GOLIM4: variants seen among roughly 807,000 people sequenced by gnomAD.
GOLIM4 encodes golgi integral membrane protein 4.
Under a neutral mutation model 107.4 loss-of-function variants are expected in GOLIM4, and 71 were observed. That is an observed-to-expected ratio of 0.66 (90% CI 0.55 to 0.81). The LOEUF (loss-of-function observed/expected upper bound fraction) is 0.81, where lower values mean the gene tolerates loss of function less well. GOLIM4 is among the 30% of genes least tolerant of loss of function. The pLI is 0.00. For missense variants in GOLIM4, 830 were observed against 826.1 expected (o/e 1.00, Z -0.06); for synonymous variants, 327 against 294.8 (o/e 1.11, Z -1.12).
intron 1 of GOLIM4, among the ~76,000 whole-genome samples, chr3:168,068,571 GT>G (rs35860368): frequency 1.7e-4 from 26 of 150,684 alleles, no homozygotes; most frequent in African/African-American, 6.1e-4. Context: ...CTTAAGGATA[GT>G]TTTTTTTTAA....
chr3:168,059,307 G>A (rs1338867694), intron 1 of GOLIM4, among the ~76,000 whole-genome samples: 1 of 152,192 alleles, frequency 6.6e-6, no homozygotes, highest in East Asian at 1.9e-4. Flanking sequence ...AGGTTGGAAT[G>A]CACCTAACTA....
intron 1 of GOLIM4, among the ~76,000 whole-genome samples, chr3:168,065,501 T>C (rs1720503036): frequency 6.6e-6 from 1 of 152,258 alleles, no homozygotes; most frequent in African/African-American, 2.4e-5. Context: ...TTTCTGTATG[T>C]ATGACTGTGT....
intron 14 of GOLIM4, among the ~76,000 whole-genome samples, chr3:168,023,939 AAAT>A (rs1372570860): frequency 1.3e-5 from 2 of 152,226 alleles, no homozygotes; most frequent in Non-Finnish European, 2.9e-5. Context: ...AAGCAAACTA[AAAT>A]ATTAAGAAAC....
At chr3:168,027,888 TC>T (rs1355725030) in intron 11 of GOLIM4, 51 bp from the exon 12 acceptor site, 1 of 1,208,762 alleles carries the variant, frequency 8.3e-7, no homozygotes, top group Non-Finnish European at 1.2e-6. Context: ...AAACAGGATT[TC>T]CCTTTCAACT....
intron 14 of GOLIM4, among the ~76,000 whole-genome samples, chr3:168,014,581 A>G (rs1203247858): frequency 3.1e-5 from 4 of 130,502 alleles, no homozygotes; most frequent in Non-Finnish European, 5.9e-5. Flanking sequence ...GCAGAGACAC[A>G]ACAAAAAAAA....
At chr3:168,041,572 G>A (rs997073269) in intron 5 of GOLIM4, 98 bp from the exon 6 acceptor site, 4 of 617,930 alleles carry the variant, frequency 6.5e-6, no homozygotes, top group Non-Finnish European at 1.1e-5. Flanking sequence ...ACTTATTTTA[G>A]AATTTATTTT....
intron 14 of GOLIM4, among the ~76,000 whole-genome samples, chr3:168,012,197 A>G (rs1299482898): frequency 7.6e-6 from 1 of 131,368 alleles, no homozygotes. Flanking sequence ...TGCTTAAAGG[A>G]GCTGATGGAG....
intron 14 of GOLIM4, among the ~76,000 whole-genome samples, chr3:168,024,202 A>AC (rs1717868268): frequency 6.6e-6 from 1 of 152,188 alleles, no homozygotes; most frequent in Non-Finnish European, 1.5e-5. Context: ...CTCAATGTGC[A>AC]GAGGGAGAGA....
chr3:168,050,860 T>TAAAAAA (rs1553800148), intron 1 of GOLIM4, among the ~76,000 whole-genome samples: 2 of 128,806 alleles, frequency 1.6e-5, no homozygotes, highest in African/African-American at 5.6e-5. Flanking sequence ...ATAATAATAA[T>TAAAAAA]AATAATAATA....
intron 1 of GOLIM4, among the ~76,000 whole-genome samples, chr3:168,081,558 C>G (rs1354939717): frequency 6.6e-6 from 1 of 152,142 alleles, no homozygotes; most frequent in African/African-American, 2.4e-5. Context: ...GATAAGGAAG[C>G]CTTGGAAACA....
Position 168,095,623 on chromosome 3 carries a change from A to C in GOLIM4, c.-338T>G, listed in dbSNP as rs1722155098. The C allele has an allele frequency of 8.1e-6, 2 of 248,260 alleles. No individual in the cohort carries two copies. Among genetic ancestry groups the C allele is most frequent in the Admixed American group, 5.9e-5 (1 of 17,006 alleles). 15.4% of individuals were successfully genotyped at this position (248,260 alleles called of 1,614,324 possible). ...CCTCCTGCCTTTTTTCCTTCTTCCC[A>C]CTTTTTGGCCCCGCTGCCCCCGGGC... On this transcript the variant is annotated 5_prime_UTR_variant, in exon 1 of 16. Transcript: ENST00000470487.
intron 14 of GOLIM4, among the ~76,000 whole-genome samples, chr3:168,017,373 C>T (rs1717432294): frequency 1.3e-5 from 2 of 152,124 alleles, no homozygotes; most frequent in Non-Finnish European, 2.9e-5. Flanking sequence ...CGCCTGTAGT[C>T]TCAGCTACTC....
At chr3:168,022,162 G>T (rs1717731499) in intron 14 of GOLIM4, among the ~76,000 whole-genome samples, 1 of 151,992 alleles carries the variant, frequency 6.6e-6, no homozygotes, top group South Asian at 2.1e-4. Context: ...AGTTTGATGG[G>T]CTATACCTCT....
chr3:168,031,179 T>A (rs988106072), intron 9 of GOLIM4, among the ~76,000 whole-genome samples: 1 of 152,130 alleles, frequency 6.6e-6, no homozygotes, highest in Admixed American at 6.5e-5. Context: ...TGGTGGTTAC[T>A]AGAAGCTGGG....
Position 168,074,048 on chromosome 3 carries a change from A to C in GOLIM4, c.187+21051T>G, listed in dbSNP as rs145433640. Among the ~76,000 whole-genome samples the C allele has an allele frequency of 1.3e-3, 191 of 152,324 alleles. 1 individual carries two copies. The East Asian group carries it at 0.013, about 11-fold the overall frequency. Reference sequence around the variant, plus strand: ...GGGCTCCTCCTGTCTGGGATTCCTCATTCTGTGGGAAGCCAGCTGCCATGT... The same window carrying C: ...GGGCTCCTCCTGTCTGGGATTCCTCCTTCTGTGGGAAGCCAGCTGCCATGT... On this transcript the variant is annotated intron_variant, in intron 1 of 15. Coordinates refer to ENST00000470487, the MANE Select transcript of GOLIM4 (RefSeq NM_014498.5).
chr3:168,016,949 G>A (rs1341120753), intron 14 of GOLIM4, among the ~76,000 whole-genome samples: 1 of 142,810 alleles, frequency 7.0e-6, no homozygotes, highest in Non-Finnish European at 1.5e-5. Context: ...GCTAGATGAC[G>A]AGTTAGTGGG....
intron 14 of GOLIM4, among the ~76,000 whole-genome samples, chr3:168,021,435 G>A (rs188959371): frequency 1.3e-5 from 2 of 152,260 alleles, no homozygotes; most frequent in Admixed American, 6.5e-5. Context: ...GGAGGCAGAG[G>A]TGGGAGGATC....
rs78122492 is a variant in GOLIM4, at chr3:168,074,616, A to G, written c.187+20483T>C. ...GATGGGAAGTAACATTACTTAATTT[A>G]TATGTTACAAAGAATCATCTTTGTA... On this transcript the variant is annotated intron_variant, in intron 1 of 15. Transcript: ENST00000470487. Among the ~76,000 whole-genome samples the G allele has an allele frequency of 2.5e-3, 386 of 152,312 alleles. 4 individuals carry two copies. The highest frequency in any genetic ancestry group is 8.9e-3 in the African/African-American group (368 of 41,564).
rs773128932 is a variant in GOLIM4, at chr3:168,010,808, T to C, written c.1876A>G (p.Thr626Ala). The C allele has an allele frequency of 6.2e-7, 1 of 1,610,584 alleles. No homozygotes were observed. Among genetic ancestry groups the C allele is most frequent in the Admixed American group, 1.7e-5 (1 of 60,010 alleles). ...EAEEEVQEDL[T>A]EEKKRELEHN... ...TCCAGTTCCCTTTTTTTCTCTTCAG[T>C]CAAATCTTCCTGAACCTAAAACAAA... Residue 626 changes from threonine to alanine, a missense_variant, in exon 15 of 16, where the codon ACT becomes GCT. Physicochemically the swap from Thr to Ala is moderately conservative, Grantham distance 58. Coordinates refer to ENST00000470487, the MANE Select transcript of GOLIM4 (RefSeq NM_014498.5).
Sources: gnomAD v4.1 joint callset for allele counts (sites outside exome capture counted in the v4.1 genomes callset) on GRCh38, gnomAD v4.1.1 for gene constraint, MANE v1.5 for transcripts, NCBI Gene and HGNC (gene_info 2026-07-23, HGNC 2026-07-21) for gene names.